TBC1D12: variants seen among roughly 807,000 people sequenced by gnomAD.
TBC1D12 encodes the protein TBC1 domain family member 12, also known as TBC1 domain family, member 12.
A neutral mutation model predicts 86.7 loss-of-function variants in TBC1D12; 56 were observed. That is an observed-to-expected ratio of 0.65 (90% confidence interval 0.52 to 0.81). TBC1D12 has a LOEUF of 0.81. Ranked by LOEUF, TBC1D12 falls within the 30% of genes least tolerant of loss-of-function variation. The pLI, the probability that TBC1D12 is intolerant of heterozygous loss-of-function variation, is 0.00. For missense variants in TBC1D12, 1,023 were observed against 1,038.8 expected, an observed-to-expected ratio of 0.98 and a Z score of 0.21; for synonymous variants, 421 against 411.7, an observed-to-expected ratio of 1.02 and a Z score of -0.27.
At chr10:94,474,568 G>T in intron 2 of TBC1D12, 100 bp from the exon 3 acceptor site, 1 of 823,008 alleles carries the variant, frequency 1.2e-6, no homozygotes, top group Non-Finnish European at 1.9e-6. Context: ...TGAATTGTAT[G>T]TATCCCTCAT....
Position 94,450,951 on chromosome 10 carries a change from G to T in TBC1D12, c.1095+8932G>T, listed in dbSNP as rs577046633. On this transcript the variant is annotated intron_variant, in intron 2 of 12. Transcript: ENST00000225235. The stretch of plus-strand genomic sequence containing the variant: ...ACCACAAGTTCTCACTTACATGTAG[G>T]ACCCAAAAAAGAAAGTTGATCTCAT... 1.5e-3 allele frequency among the ~76,000 whole-genome samples: 227 copies of T among 152,136 alleles called. 1 individual carries two copies. The highest frequency in any genetic ancestry group is 2.2e-3 in the Non-Finnish European group (151 of 67,920).
intron 9 of TBC1D12, 134 bp downstream of exon 9, chr10:94,511,788 C>T (rs2056531648): frequency 1.5e-6 from 1 of 673,622 alleles, no homozygotes; most frequent in Non-Finnish European, 2.5e-6. Flanking sequence ...TCAATTTACC[C>T]AGTGAAGAAT....
In TBC1D12 at chr10:94,403,265, G is replaced by T; in HGVS notation, c.652G>T (p.Asp218Tyr). The T allele has an allele frequency of 6.7e-7, 1 of 1,502,094 alleles. No individual in the cohort carries two copies. The highest frequency in any genetic ancestry group is 1.3e-5 in the South Asian group (1 of 78,380). 93.0% of individuals were successfully genotyped at this position (1,502,094 alleles called of 1,614,324 possible). The change falls in exon 1 of 13, where the codon GAC (aspartate) becomes TAC (tyrosine). Residue 218 changes from aspartate (D) to tyrosine (Y), a missense_variant. This residue lies in a region of TBC1D12 where 628 missense variants were observed against 531.1 expected (regional missense o/e 1.18). Coordinates refer to ENST00000225235, the MANE Select transcript of TBC1D12 (RefSeq NM_015188.2). ...DAQEPEGAGS[D>Y]SGDSPASSCS... ...CCAGGAGCCCGAGGGCGCGGGCAGCGACTCGGGGGACAGCCCCGCCAGCAG... is the reference window on the plus strand; with the variant it reads ...CCAGGAGCCCGAGGGCGCGGGCAGCTACTCGGGGGACAGCCCCGCCAGCAG...
At chr10:94,407,752 T>G (rs2054876702) in intron 1 of TBC1D12, among the ~76,000 whole-genome samples, 1 of 152,082 alleles carries the variant, frequency 6.6e-6, no homozygotes, top group Admixed American at 6.5e-5. Flanking sequence ...TTGAAGTCTT[T>G]TGTGTTTCCA....
intron 2 of TBC1D12, among the ~76,000 whole-genome samples, chr10:94,456,863 T>C (rs1176290100): frequency 6.6e-6 from 1 of 152,232 alleles, no homozygotes; most frequent in Non-Finnish European, 1.5e-5. Flanking sequence ...TAGTTGCATA[T>C]ATGATAAGGA....
intron 1 of TBC1D12, among the ~76,000 whole-genome samples, chr10:94,440,146 A>G (rs1463279857): frequency 6.6e-6 from 1 of 152,068 alleles, no homozygotes; most frequent in Admixed American, 6.6e-5. Flanking sequence ...ACACCTGAGG[A>G]AATAAGAGTG....
At chr10:94,522,504 ACT>A (rs1842177555) in intron 11 of TBC1D12, 51 bp downstream of exon 11, 8 of 813,054 alleles carry the variant, frequency 9.8e-6, no homozygotes, top group Non-Finnish European at 1.5e-5. Flanking sequence ...ATAAAGTATA[ACT>A]TTTTGTGTGT....
At chr10:94,413,384 G>A (rs938046457) in intron 1 of TBC1D12, among the ~76,000 whole-genome samples, 3 of 152,134 alleles carry the variant, frequency 2.0e-5, no homozygotes, top group Non-Finnish European at 4.4e-5. Flanking sequence ...TACTCAGTTT[G>A]TTGGCATACC....
intron 1 of TBC1D12, among the ~76,000 whole-genome samples, chr10:94,406,037 C>T (rs1386354260): frequency 6.6e-6 from 1 of 152,108 alleles, no homozygotes; most frequent in East Asian, 1.9e-4. Context: ...TCTTGAACTC[C>T]TGACCTCAGG....
At chr10:94,436,362 T>C (rs1564945374) in intron 1 of TBC1D12, among the ~76,000 whole-genome samples, 1 of 151,890 alleles carries the variant, frequency 6.6e-6, no homozygotes. Context: ...TCTCGATCTC[T>C]TGACCTCATG....
rs200150806 is a variant in TBC1D12 at position 94,436,675 on chromosome 10, GA to G, written c.972-5220del. Among the ~76,000 whole-genome samples, 141 of 151,470 alleles carry G rather than the reference GA, an allele frequency of 9.3e-4. No individual in the cohort carries two copies. In the East Asian group the frequency reaches 0.024, roughly 25 times the overall value. On this transcript the variant is annotated intron_variant, in intron 1 of 12. Transcript: ENST00000225235. ...ATAAATTTTTATAAAACTTTGGCTA[GA>G]TTTCTTCTCACATACCTTGTATTTT...
Position 94,522,087 on chromosome 10 carries a change from T to C in TBC1D12, c.1890+4T>C. ...TTTTCGTGTGGATCACAGCATGGTA[T>C]GAATGGATCATGTTTTCCATTGTTT... On this transcript the variant is annotated splice_donor_region_variant and intron_variant, in intron 10 of 12. Transcript: ENST00000225235. The C allele has an allele frequency of 6.2e-7, 1 of 1,608,944 alleles. No individual in the cohort carries two copies. Among genetic ancestry groups the C allele is most frequent in the Non-Finnish European group, 8.5e-7 (1 of 1,176,730 alleles).
chr10:94,465,755 TATACATACATACGTATACGCATAC>T (rs2055803416), intron 2 of TBC1D12, among the ~76,000 whole-genome samples: 2 of 150,816 alleles, frequency 1.3e-5, no homozygotes, highest in Admixed American at 6.6e-5. Flanking sequence ...CATACATATG[TATACATACATACGTATACGCATAC>T]ATACATACAT....
At chr10:94,407,675 C>CAA (rs35188808) in intron 1 of TBC1D12, among the ~76,000 whole-genome samples, 2,058 of 138,378 alleles carry the variant, frequency 0.015, 45 homozygotes, top group African/African-American at 0.035. Context: ...GATTCCGTCT[C>CAA]AAAAAAAAAA....
intron 1 of TBC1D12, among the ~76,000 whole-genome samples, chr10:94,404,988 T>C (rs1282993054): frequency 6.7e-6 from 1 of 149,970 alleles, no homozygotes; most frequent in African/African-American, 2.5e-5. Flanking sequence ...CGGAGGTTGC[T>C]GTGAGCTGAG....
At position 94,510,142 on chromosome 10, in the gene TBC1D12, T is replaced by C; in HGVS notation, c.1652T>C (p.Ile551Thr). 6.2e-7 allele frequency: 1 copy of C among 1,608,816 alleles called. No homozygotes were observed. The highest frequency in any genetic ancestry group is 8.5e-7 in the Non-Finnish European group (1 of 1,178,792). ...AGTCTGGAATTAATTAAGTTGGACA[T>C]ATCCCGTACATTTCCATCTCTCTAC... ...EASLELIKLD[I>T]SRTFPSLYIF... The change falls in exon 8 of 13, where the codon ATA becomes ACA. Residue 551 changes from isoleucine to threonine, a missense_variant. Around this residue, in one of 2 missense-constraint regions of TBC1D12, gnomAD observed 395 missense variants for 507.7 expected, o/e 0.78. Transcript: ENST00000225235.
intron 3 of TBC1D12, among the ~76,000 whole-genome samples, chr10:94,482,392 T>C (rs1317703435): frequency 6.6e-6 from 1 of 152,158 alleles, no homozygotes; most frequent in Non-Finnish European, 1.5e-5. Context: ...AAATGTACAA[T>C]TACATTATTA....
intron 2 of TBC1D12, among the ~76,000 whole-genome samples, chr10:94,465,776 A>G (rs1363939012): frequency 1.8e-5 from 1 of 55,870 alleles, no homozygotes; most frequent in African/African-American, 4.9e-5. Context: ...ACGTATACGC[A>G]TACATACATA....
At chr10:94,502,216 C>T (rs544022580) in intron 6 of TBC1D12, among the ~76,000 whole-genome samples, 133 of 151,956 alleles carry the variant, frequency 8.8e-4, no homozygotes, top group African/African-American at 3.1e-3. Context: ...TCTGTAATCC[C>T]AGCTACTCGG....
Sources: allele counts gnomAD v4.1 joint callset (sites outside exome capture counted in the v4.1 genomes callset), GRCh38; gene constraint gnomAD v4.1.1; regional missense constraint gnomAD v4.1.1; transcripts MANE v1.5; gene names NCBI Gene and HGNC (gene_info 2026-07-23, HGNC 2026-07-21).